TRDN: variants seen among roughly 807,000 people sequenced by gnomAD.
TRDN encodes triadin in skeletal muscle.
In TRDN, 161 loss-of-function variants were observed where a neutral mutation model predicts 149.7. That is an observed-to-expected ratio of 1.08 (90% CI 0.95 to 1.23). The LOEUF (loss-of-function observed/expected upper bound fraction) is 1.23, where lower values mean the gene tolerates loss of function less well. TRDN is among the 50% of genes most tolerant of loss of function. TRDN has a pLI of 0.00. For synonymous variants in TRDN, 294 were observed against 250.5 expected (o/e 1.17, Z -1.64); for missense variants, 896 against 823.5 (o/e 1.09, Z -1.08).
chr6:123,223,845 C>T (rs1394507298), intron 39 of TRDN, among the ~76,000 whole-genome samples: 1 of 151,448 alleles, frequency 6.6e-6, no homozygotes, highest in African/African-American at 2.4e-5. Flanking sequence ...TGTAGATTGG[C>T]AAATAAATGC....
intron 12 of TRDN, among the ~76,000 whole-genome samples, chr6:123,401,723 T>C (rs1252038394): frequency 6.6e-6 from 1 of 152,052 alleles, no homozygotes; most frequent in Non-Finnish European, 1.5e-5. Context: ...GGTAGGTGGA[T>C]CACCTGAGGT....
In TRDN at chr6:123,548,426, G is replaced by A. The variant is rs761328701; in HGVS notation, c.391+28C>T. ...TACATATTTAATGTTGCTCCTAGCAGTTAGATATATCTCTATGTTCTTTGT... is the reference window on the plus strand; with the variant it reads ...TACATATTTAATGTTGCTCCTAGCAATTAGATATATCTCTATGTTCTTTGT... On this transcript the variant is annotated intron_variant, in intron 3 of 40. Transcript: ENST00000334268. 6.9e-6 allele frequency: 10 copies of A among 1,456,572 alleles called. No homozygotes were observed. In the African/African-American group the frequency reaches 1.3e-4, roughly 19 times the overall value. The allele number at this position is 1,456,572 out of a possible 1,614,324, so 90.2% of individuals were successfully genotyped here.
intron 23 of TRDN, among the ~76,000 whole-genome samples, chr6:123,316,784 T>C (rs1779040853): frequency 6.6e-6 from 1 of 151,850 alleles, no homozygotes; most frequent in Non-Finnish European, 1.5e-5. Flanking sequence ...AGCCAGGACT[T>C]ATAATTTATG....
chr6:123,499,880 A>G (rs957295357), intron 8 of TRDN, among the ~76,000 whole-genome samples: 1 of 150,766 alleles, frequency 6.6e-6, no homozygotes, highest in Non-Finnish European at 1.5e-5. Context: ...GGTAATCTAG[A>G]GATGATTTAA....
chr6:123,226,993 G>A (rs1235723610), intron 38 of TRDN, among the ~76,000 whole-genome samples: 1 of 151,812 alleles, frequency 6.6e-6, no homozygotes, highest in East Asian at 1.9e-4. Flanking sequence ...AGACAGCGAA[G>A]GACAGAGATA....
intron 24 of TRDN, among the ~76,000 whole-genome samples, chr6:123,290,137 C>T (rs1021953789): frequency 3.3e-5 from 5 of 152,004 alleles, no homozygotes. Flanking sequence ...CGGGATAGTC[C>T]CTTGAGTAAT....
At chr6:123,435,123 A>G (rs144459249) in intron 12 of TRDN, among the ~76,000 whole-genome samples, 20 of 149,940 alleles carry the variant, frequency 1.3e-4, no homozygotes, top group African/African-American at 4.9e-4. Flanking sequence ...CTAAATGCAT[A>G]TATTTTATAA....
chr6:123,332,163 T>C (rs575014838), intron 22 of TRDN, among the ~76,000 whole-genome samples: 1 of 152,204 alleles, frequency 6.6e-6, no homozygotes, highest in Admixed American at 6.6e-5. Context: ...CAACAAGTTA[T>C]AATCTACTTG....
chr6:123,522,437 T>TG (rs10711374), intron 5 of TRDN, among the ~76,000 whole-genome samples: 2,385 of 149,388 alleles, frequency 0.016, 72 homozygotes, highest in African/African-American at 0.055. Context: ...AACAACTACA[T>TG]GGGGGGGGAA....
chr6:123,333,754 G>A (rs1038540267), intron 22 of TRDN, among the ~76,000 whole-genome samples: 2 of 152,066 alleles, frequency 1.3e-5, no homozygotes, highest in African/African-American at 4.8e-5. Context: ...TCAGTGGTTT[G>A]AGTCAACTCT....
At chr6:123,416,427 G>A (rs1773651520) in intron 12 of TRDN, among the ~76,000 whole-genome samples, 1 of 126,710 alleles carries the variant, frequency 7.9e-6, no homozygotes, top group Non-Finnish European at 1.8e-5. Flanking sequence ...TTTACTGTAT[G>A]AAACTATTTT....
At chr6:123,473,430 A>C (rs961145170) in intron 9 of TRDN, among the ~76,000 whole-genome samples, 16 of 151,762 alleles carry the variant, frequency 1.1e-4, no homozygotes, top group Admixed American at 5.2e-4. Context: ...GCCTCCAAGA[A>C]ATATGGGACT....
At chr6:123,344,441 C>A (rs1268881599) in intron 21 of TRDN, among the ~76,000 whole-genome samples, 1 of 151,988 alleles carries the variant, frequency 6.6e-6, no homozygotes, top group Non-Finnish European at 1.5e-5. Flanking sequence ...ACCCTTCTCT[C>A]CTCCCCAAAC....
At chr6:123,381,415 T>C (rs1232992936) in intron 15 of TRDN, 25 bp from the exon 16 acceptor site, 8 of 1,551,222 alleles carry the variant, frequency 5.2e-6, no homozygotes, top group Non-Finnish European at 7.0e-6. Flanking sequence ...AACAAAATCA[T>C]TGCTCTTAAA....
chr6:123,579,803 A>G (rs1783033455), intron 1 of TRDN, among the ~76,000 whole-genome samples: 1 of 152,182 alleles, frequency 6.6e-6, no homozygotes, highest in South Asian at 2.1e-4. Flanking sequence ...AGTTTCCCCC[A>G]GGCTGTTCTT....
chr6:123,545,932 A>G (rs925396230), intron 4 of TRDN, among the ~76,000 whole-genome samples: 49 of 152,254 alleles, frequency 3.2e-4, no homozygotes, highest in Non-Finnish European at 1.3e-4. Flanking sequence ...GTAAATATCA[A>G]TTTATGAAAA....
At chr6:123,441,141 T>C (rs778400649) in intron 10 of TRDN, 5 of 152,192 alleles carry the variant, frequency 3.3e-5, no homozygotes, top group Non-Finnish European at 7.4e-5. Context: ...CTCTGTTATA[T>C]AGGTGATTTG....
chr6:123,420,560 T>C (rs1005580985), intron 12 of TRDN, among the ~76,000 whole-genome samples: 1 of 152,196 alleles, frequency 6.6e-6, no homozygotes, highest in African/African-American at 2.4e-5. Flanking sequence ...ATTTAGTTTT[T>C]CTCTACATGA....
At chr6:123,558,365 C>T (rs1781794634) in intron 2 of TRDN, among the ~76,000 whole-genome samples, 1 of 152,094 alleles carries the variant, frequency 6.6e-6, no homozygotes, top group Non-Finnish European at 1.5e-5. Context: ...CCTTTTATCA[C>T]CTCCCCTCCT....
Sources: gnomAD v4.1 joint callset for allele counts (sites outside exome capture counted in the v4.1 genomes callset) on GRCh38, gnomAD v4.1.1 for gene constraint, MANE v1.5 for transcripts, NCBI Gene and HGNC (gene_info 2026-07-23, HGNC 2026-07-21) for gene names.